The following OR1J2 variants were observed in gnomAD, a reference collection of about 807,000 sequenced individuals.
OR1J2 encodes olfactory receptor 1J2.
For missense variants in OR1J2, 304 were observed against 246.1 expected (o/e 1.24, Z -1.57); for synonymous variants, 142 against 99.7 (o/e 1.42, Z -2.52).
the OR1J2 span, chr9:122,567,246 A>G: frequency 4.1e-6 from 1 of 241,772 alleles, no homozygotes; most frequent in African/African-American, 2.2e-5. Context: ...AAAAGGAGAG[A>G]AATTTGTTTA....
At chr9:122,566,859 A>G in the OR1J2 span, among the ~76,000 whole-genome samples, 296 of 152,086 alleles carry the variant, frequency 1.9e-3, 2 homozygotes, top group African/African-American at 6.6e-3. Context: ...AAATGTTTCA[A>G]CCTCCCCTGT....
chr9:122,513,536 T>A (rs910336763), downstream of OR1J2, among the ~76,000 whole-genome samples: 1 of 151,874 alleles, frequency 6.6e-6, no homozygotes, highest in Non-Finnish European at 1.5e-5. Context: ...ATTTTTTTTT[T>A]TTATTTTACT....
At chr9:122,469,314 T>C in the OR1J2 span, among the ~76,000 whole-genome samples, 1,453 of 152,316 alleles carry the variant, frequency 9.5e-3, 8 homozygotes, top group Middle Eastern at 0.054. Flanking sequence ...GTTTCCCCCA[T>C]ACCGTTCTCA....
the OR1J2 span, among the ~76,000 whole-genome samples, chr9:122,557,860 A>G: frequency 0.93 from 141,720 of 152,022 alleles, 66,141 homozygotes; most frequent in East Asian, 0.98. Flanking sequence ...TGTTTGGGAA[A>G]GTTATTAACT....
chr9:122,490,639 A>G, the OR1J2 span, among the ~76,000 whole-genome samples: 1 of 152,194 alleles, frequency 6.6e-6, no homozygotes, highest in Non-Finnish European at 1.5e-5. Context: ...GAATAGGAAA[A>G]GACCTACAGA....
At chr9:122,480,602 A>G in the OR1J2 span, among the ~76,000 whole-genome samples, 1 of 151,582 alleles carries the variant, frequency 6.6e-6, no homozygotes, top group African/African-American at 2.4e-5. Context: ...CTAAAAACAA[A>G]TTTTATTAGA....
At chr9:122,513,105 GT>G (rs568846077), downstream of OR1J2, among the ~76,000 whole-genome samples, 2 of 152,228 alleles carry the variant, frequency 1.3e-5, no homozygotes, top group African/African-American at 2.4e-5. Flanking sequence ...CATTTGCCAT[GT>G]TTTTTGACAT....
chr9:122,574,900 A>G, the OR1J2 span, among the ~76,000 whole-genome samples: 1 of 152,072 alleles, frequency 6.6e-6, no homozygotes, highest in African/African-American at 2.4e-5. Flanking sequence ...AGTTTTTAGA[A>G]TCATAGATGG....
rs149547921 is a variant in OR1J2 at position 122,511,530 on chromosome 9, C to T, written c.729C>T (p.Ser243=). The change falls in exon 1 of 1, where the codon TCC becomes TCT. Residue 243 remains serine (S), a synonymous_variant. Coordinates refer to ENST00000335302, the MANE Select transcript of OR1J2 (RefSeq NM_054107.1). ...GIHKALSTCG[S]HLSVVSLYYG... is the part of the protein sequence containing the mutation. ...ACAAAGCATTGTCCACATGTGGCTCCCATCTCTCTGTGGTGTCTCTCTATT... is the reference window on the plus strand; with the variant it reads ...ACAAAGCATTGTCCACATGTGGCTCTCATCTCTCTGTGGTGTCTCTCTATT... The T allele has an allele frequency of 6.0e-4, 467 of 781,052 alleles. 1 individual carries two copies. The African/African-American group carries it at 7.2e-3, about 12-fold the overall frequency. The allele number at this position is 781,052 out of a possible 1,614,324, so 48.4% of individuals were successfully genotyped here.
At chr9:122,562,311 A>G in the OR1J2 span, among the ~76,000 whole-genome samples, 2 of 152,246 alleles carry the variant, frequency 1.3e-5, no homozygotes, top group African/African-American at 4.8e-5. Context: ...GAGCTTAGAC[A>G]GCTTAGGCAG....
the OR1J2 span, among the ~76,000 whole-genome samples, chr9:122,483,437 A>G: frequency 1.3e-5 from 2 of 152,354 alleles, no homozygotes; most frequent in Admixed American, 1.3e-4. Flanking sequence ...ACTGTATGCC[A>G]TATGTGTCTA....
the OR1J2 span, among the ~76,000 whole-genome samples, chr9:122,502,548 G>T: frequency 6.6e-5 from 10 of 152,278 alleles, no homozygotes; most frequent in Non-Finnish European, 1.5e-4. Flanking sequence ...CAGCCAATGG[G>T]CATGAAAACA....
the OR1J2 span, among the ~76,000 whole-genome samples, chr9:122,557,372 C>G: frequency 6.6e-6 from 1 of 151,934 alleles, no homozygotes; most frequent in Non-Finnish European, 1.5e-5. Context: ...AAATAGATAT[C>G]CTTTATCTCT....
the OR1J2 span, among the ~76,000 whole-genome samples, chr9:122,535,602 C>T: frequency 4.6e-5 from 7 of 152,014 alleles, no homozygotes; most frequent in Admixed American, 6.6e-5. Flanking sequence ...GGCCGCTTAC[C>T]GGATTTGAAA....
chr9:122,450,201 T>C, the OR1J2 span, among the ~76,000 whole-genome samples: 11 of 152,086 alleles, frequency 7.2e-5, no homozygotes, highest in African/African-American at 2.7e-4. Flanking sequence ...GAGGCTGAGA[T>C]GGGCAGATCA....
At chr9:122,494,964 A>G in the OR1J2 span, among the ~76,000 whole-genome samples, 1 of 152,196 alleles carries the variant, frequency 6.6e-6, no homozygotes, top group Admixed American at 6.5e-5. Flanking sequence ...GCTGGATACA[A>G]AATTCTTGGC....
the OR1J2 span, chr9:122,554,289 A>T: frequency 2.9e-5 from 2 of 69,762 alleles, no homozygotes; most frequent in Non-Finnish European, 5.1e-5. Context: ...TTAGGGATGT[A>T]AAAAAAAAAA....
At chr9:122,502,020 G>A in the OR1J2 span, among the ~76,000 whole-genome samples, 8 of 152,178 alleles carry the variant, frequency 5.3e-5, no homozygotes, top group East Asian at 1.9e-4. Context: ...GTTTGTAACC[G>A]AGGACTGATG....
chr9:122,493,338 T>C, the OR1J2 span, among the ~76,000 whole-genome samples: 3 of 152,158 alleles, frequency 2.0e-5, no homozygotes, highest in Non-Finnish European at 2.9e-5. Flanking sequence ...GTTTTGGACT[T>C]TTCTTCGTTG....
Sources: allele counts gnomAD v4.1 joint callset (sites outside exome capture counted in the v4.1 genomes callset), GRCh38; gene constraint gnomAD v4.1.1; transcripts MANE v1.5; gene names NCBI Gene and HGNC (gene_info 2026-07-23, HGNC 2026-07-21).